GLB1L3: variants seen among roughly 807,000 people sequenced by gnomAD.
GLB1L3 encodes the protein beta-galactosidase-1-like protein 3.
A neutral mutation model predicts 89.5 loss-of-function variants in GLB1L3; 89 were observed. The observed-to-expected ratio is 0.99, with a 90% confidence interval of 0.84 to 1.19. The LOEUF (loss-of-function observed/expected upper bound fraction) is 1.19, where lower values mean the gene tolerates loss of function less well. Ranked by LOEUF, GLB1L3 falls within the 50% of genes most tolerant of loss-of-function variation. GLB1L3 has a pLI of 0.00. For synonymous variants in GLB1L3, 314 were observed against 312.3 expected, an observed-to-expected ratio of 1.01 and a Z score of -0.06; for missense variants, 812 against 813.3, an observed-to-expected ratio of 1.00 and a Z score of 0.02.
Position 134,288,847 on chromosome 11 carries a change from G to C in GLB1L3, c.686G>C (p.Gly229Ala). The C allele has an allele frequency of 6.2e-7, 1 of 1,613,338 alleles. No individual in the cohort carries two copies. The highest frequency in any genetic ancestry group is 8.5e-7 in the Non-Finnish European group (1 of 1,179,540). Residue 229 changes from glycine (G) to alanine (A), a missense_variant, in exon 7 of 20, where the codon GGC becomes GCC. Around this residue, in one of 3 missense-constraint regions of GLB1L3, gnomAD observed 618 missense variants for 604.0 expected, o/e 1.02. Coordinates refer to ENST00000431683, the MANE Select transcript of GLB1L3 (RefSeq NM_001080407.3). ...GCGGTGCAAGTGGAGAATGAGTATG[G>C]CTCATTCAATAAGGATAAAACATAC... ...VIAVQVENEY[G>A]SFNKDKTYMP...
chr11:134,311,241 T>A, intron 13 of GLB1L3, 71 bp downstream of exon 13: 1 of 1,104,844 alleles, frequency 9.1e-7, no homozygotes, highest in Non-Finnish European at 1.4e-6. Flanking sequence ...TTCAGGAAAC[T>A]TTTTATTAGG....
intron 8 of GLB1L3, chr11:134,292,919 A>C: frequency 1.7e-6 from 1 of 605,306 alleles, no homozygotes; most frequent in Non-Finnish European, 2.9e-6. Context: ...TTCTCTGCAC[A>C]GAGTGTGGTT....
chr11:134,304,074 T>A (rs1177609866), intron 9 of GLB1L3, among the ~76,000 whole-genome samples: 1 of 152,208 alleles, frequency 6.6e-6, no homozygotes, highest in African/African-American at 2.4e-5. Context: ...TTGTCGGGCT[T>A]CTAGAATGTG....
At chr11:134,311,000 G>T in intron 12 of GLB1L3, 64 bp from the exon 13 acceptor site, 1 of 1,136,980 alleles carries the variant, frequency 8.8e-7, no homozygotes, top group South Asian at 1.3e-5. Flanking sequence ...ATAGGCATGG[G>T]GGGCTTAGAG....
chr11:134,280,363 C>G (rs1213792087), intron 3 of GLB1L3, among the ~76,000 whole-genome samples: 1 of 152,028 alleles, frequency 6.6e-6, no homozygotes, highest in African/African-American at 2.4e-5. Context: ...ATTTTACATT[C>G]TTTTTTCATA....
At position 134,314,303 on chromosome 11, in the gene GLB1L3, T is replaced by A. The variant is rs763361633; in HGVS notation, c.1668-27T>A. 19 of 1,473,572 alleles carry A rather than the reference T, an allele frequency of 1.3e-5. No homozygotes were observed. The South Asian group carries it at 1.9e-4, about 15-fold the overall frequency. The allele number at this position is 1,473,572 out of a possible 1,614,324, so 91.3% of individuals were successfully genotyped here. A position where few individuals can be genotyped will look rare whatever the true frequency, so the allele number is the denominator to read the frequency against. ...ACTGGGTTGGGAAGGGGACTTCTTC[T>A]CCCCCATGGCTTGGCCTTTCTTCCA... On this transcript the variant is annotated intron_variant, in intron 17 of 19. Transcript: ENST00000431683.
intron 1 of GLB1L3, 52 bp from the exon 2 acceptor site, chr11:134,277,273 GC>G (rs942708329): frequency 5.0e-6 from 8 of 1,611,966 alleles, no homozygotes; most frequent in African/African-American, 4.0e-5. Flanking sequence ...GGCCCTTGCA[GC>G]CCGGTGGGGC....
At chr11:134,277,032 C>G (rs1375413378) in intron 1 of GLB1L3, 13 of 572,166 alleles carry the variant, frequency 2.3e-5, no homozygotes, top group Admixed American at 3.3e-5. Context: ...CTTCCCGAAC[C>G]TGGTGCTGGA....
chr11:134,314,054 A>G, intron 17 of GLB1L3, 26 bp downstream of exon 17: 1 of 1,430,348 alleles, frequency 7.0e-7, no homozygotes, highest in Non-Finnish European at 9.8e-7. Context: ...CCCCCAGTGC[A>G]CACTTCAGTG....
intron 7 of GLB1L3, among the ~76,000 whole-genome samples, chr11:134,291,846 G>A (rs1941379484): frequency 1.3e-5 from 2 of 152,252 alleles, no homozygotes; most frequent in Non-Finnish European, 1.5e-5. Flanking sequence ...ATGGTGGCGT[G>A]TGCCTGTAGT....
At chr11:134,285,487 A>G (rs1238899247) in intron 6 of GLB1L3, among the ~76,000 whole-genome samples, 1 of 152,158 alleles carries the variant, frequency 6.6e-6, no homozygotes, top group African/African-American at 2.4e-5. Context: ...TCGAGATGGG[A>G]TAAAAATCTA....
chr11:134,308,166 C>A (rs1467244624), intron 10 of GLB1L3, among the ~76,000 whole-genome samples: 25 of 105,974 alleles, frequency 2.4e-4, no homozygotes, highest in Admixed American at 2.3e-3. Flanking sequence ...AACACCACCA[C>A]CAGCACCACC....
At chr11:134,278,194 G>C (rs1343357323) in intron 3 of GLB1L3, among the ~76,000 whole-genome samples, 1 of 152,084 alleles carries the variant, frequency 6.6e-6, no homozygotes, top group African/African-American at 2.4e-5. Flanking sequence ...AGGCGCCCTT[G>C]GGAGCACTCA....
chr11:134,308,643 TCAC>T (rs1942549475), intron 10 of GLB1L3, among the ~76,000 whole-genome samples: 2 of 94,672 alleles, frequency 2.1e-5, no homozygotes, highest in African/African-American at 4.1e-5. Context: ...ATCAACACCA[TCAC>T]CACCATCATC....
At chr11:134,293,736 T>A (rs1941484896) in intron 9 of GLB1L3, among the ~76,000 whole-genome samples, 1 of 151,552 alleles carries the variant, frequency 6.6e-6, no homozygotes, top group South Asian at 2.1e-4. Flanking sequence ...CTCTGCAGCC[T>A]CCAGGGAGTA....
chr11:134,295,800 G>A (rs1303628198), intron 9 of GLB1L3, among the ~76,000 whole-genome samples: 1 of 151,938 alleles, frequency 6.6e-6, no homozygotes, highest in East Asian at 1.9e-4. Context: ...AATTTTGATG[G>A]GCTGTGTTTT....
Position 134,318,673 on chromosome 11 carries a change from G to C in GLB1L3, c.1822G>C (p.Gly608Arg), listed in dbSNP as rs1437220055. The part of the protein sequence containing the change: ...GFVFINGRNL[G>R]RYWNIGPQKT... ...TGTGTTCATCAATGGACGTAACCTTGGGCGATATTGGAATATTGGGCCTCA... is the reference window on the plus strand; with the variant it reads ...TGTGTTCATCAATGGACGTAACCTTCGGCGATATTGGAATATTGGGCCTCA... Residue 608 changes from glycine to arginine, a missense_variant, in exon 19 of 20, where the codon GGG (glycine) becomes CGG (arginine). Around this residue, in one of 3 missense-constraint regions of GLB1L3, gnomAD observed 618 missense variants for 604.0 expected, o/e 1.02. Transcript: ENST00000431683. 33 of 1,612,640 alleles carry C rather than the reference G, an allele frequency of 2.0e-5. No homozygotes were observed. The highest frequency in any genetic ancestry group is 2.7e-5 in the Non-Finnish European group (32 of 1,179,150).
chr11:134,309,792 CA>C, intron 11 of GLB1L3, 29 bp downstream of exon 11: 2 of 1,609,218 alleles, frequency 1.2e-6, no homozygotes, highest in Non-Finnish European at 8.5e-7. Flanking sequence ...GTAGCCTCTC[CA>C]GCATGGGCGG....
Position 134,305,306 on chromosome 11 carries a change from G to T in GLB1L3, c.877-1818G>T, listed in dbSNP as rs114600927. On this transcript the variant is annotated intron_variant, in intron 9 of 19. Transcript: ENST00000431683. ...TAACTGATAATAAATGGTTGGTATT[G>T]CACTATAGAGTATGCTTCTTACTTA... 2,018 of 581,266 alleles carry T rather than the reference G, an allele frequency of 3.5e-3. 20 individuals are homozygous for T. Among genetic ancestry groups the T allele is most frequent in the African/African-American group, 0.032 (1,723 of 53,862 alleles). The allele number at this position is 581,266 out of a possible 1,614,324, so 36.0% of individuals were successfully genotyped here. A position where few individuals can be genotyped will look rare whatever the true frequency, so the allele number is the denominator to read the frequency against.
Sources: gnomAD v4.1 joint callset for allele counts (sites outside exome capture counted in the v4.1 genomes callset) on GRCh38, gnomAD v4.1.1 for gene constraint, gnomAD v4.1.1 regional missense constraint, MANE v1.5 for transcripts, NCBI Gene and HGNC (gene_info 2026-07-23, HGNC 2026-07-21) for gene names.